The following ESR1 variants were observed in gnomAD, a reference collection of about 807,000 sequenced individuals.
ESR1 encodes estrogen receptor 1.
Under a neutral mutation model 52.7 loss-of-function variants are expected in ESR1, and 12 were observed. The ratio of observed to expected loss-of-function variants is 0.23; its 90% CI spans 0.15 to 0.37. The LOEUF (loss-of-function observed/expected upper bound fraction) is 0.37. ESR1 is among the 10% of genes least tolerant of loss of function. The pLI is 1.00. For missense variants in ESR1, 584 were observed against 779.7 expected (o/e 0.75, Z 2.99); for synonymous variants, 305 against 316.8 (o/e 0.96, Z 0.39).
rs1778460210 is a variant in ESR1, at chr6:151,681,526, T to G, written n.74-20349T>G. Among the ~76,000 whole-genome samples, 3 of 152,004 alleles carry G rather than the reference T, an allele frequency of 2.0e-5. No homozygotes were observed. The South Asian group carries it at 6.2e-4, about 32-fold the overall frequency. ...TAGAAGCCTCTGGAAGCACAGGGAC[T>G]GTGGAAACTGGAAGCTGTTCTTGGA... On this transcript the variant is annotated intron_variant and non_coding_transcript_variant, in intron 1 of 2. Transcript: ENST00000473497.
intron 1 of ESR1, among the ~76,000 whole-genome samples, chr6:151,680,940 GT>G (rs1280144678): frequency 6.6e-6 from 1 of 152,122 alleles, no homozygotes; most frequent in Non-Finnish European, 1.5e-5. Context: ...TCCTGGCTTG[GT>G]GTCCTTGTCT....
intron 6 of ESR1, among the ~76,000 whole-genome samples, chr6:152,114,388 C>G (rs980654867): frequency 1.3e-5 from 2 of 152,046 alleles, no homozygotes; most frequent in African/African-American, 4.8e-5. Flanking sequence ...TTGGACATCT[C>G]TCCTAGGAAA....
Position 151,842,785 on chromosome 6 carries a change from A to G in ESR1, c.641A>G (p.Gln214Arg). Residue 214 changes from glutamine (Q) to arginine (R), a missense_variant and splice_region_variant, in exon 2 of 8, where the codon CAA becomes CGA. Gln to Arg is a conservative substitution (Grantham distance 43, BLOSUM62 1). Transcript: ENST00000206249. The stretch of plus-strand genomic sequence containing the variant: ...AAGGCCTTCTTCAAGAGAAGTATTC[A>G]AGGTAATAGTGTGTTGAAAACGACT... ...GCKAFFKRSI[Q>R]GHNDYMCPAT... The G allele has an allele frequency of 6.2e-7, 1 of 1,613,634 alleles. No homozygotes were observed. Among genetic ancestry groups the G allele is most frequent in the South Asian group, 1.1e-5 (1 of 91,070 alleles).
intron 5 of ESR1, among the ~76,000 whole-genome samples, chr6:152,056,766 A>G (rs898152732): frequency 1.3e-5 from 2 of 152,202 alleles, no homozygotes; most frequent in African/African-American, 4.8e-5. Flanking sequence ...GGAGGAGTTC[A>G]TCACTGCAGG....
chr6:151,819,957 T>A (rs1000732876), intron 1 of ESR1, among the ~76,000 whole-genome samples: 8 of 152,168 alleles, frequency 5.3e-5, no homozygotes, highest in African/African-American at 1.9e-4. Context: ...TGGTGGTAGG[T>A]GCAGAGATTG....
intron 2 of ESR1, among the ~76,000 whole-genome samples, chr6:151,852,792 T>C (rs1787051156): frequency 6.6e-6 from 1 of 152,182 alleles, no homozygotes; most frequent in Middle Eastern, 3.4e-3. Context: ...GAAATGACTA[T>C]GGAGGCTGAG....
chr6:151,852,831 T>A (rs1443038942), intron 2 of ESR1, among the ~76,000 whole-genome samples: 3 of 151,936 alleles, frequency 2.0e-5, no homozygotes, highest in Non-Finnish European at 4.4e-5. Context: ...TGTACACATA[T>A]GAGCTGTCAT....
chr6:151,763,510 T>C (rs1012737324), intron 2 of ESR1, among the ~76,000 whole-genome samples: 6 of 152,198 alleles, frequency 3.9e-5, no homozygotes, highest in Non-Finnish European at 7.3e-5. Context: ...TGTGCGTCTT[T>C]TTTTTCCCCC....
chr6:151,681,342 ACT>A (rs1428224234), intron 1 of ESR1, among the ~76,000 whole-genome samples: 1 of 151,174 alleles, frequency 6.6e-6, no homozygotes, highest in African/African-American at 2.4e-5. Context: ...GACCGAGGAG[ACT>A]CTGAGATGAC....
chr6:151,801,600 T>C (rs1201946993), upstream of ESR1, among the ~76,000 whole-genome samples: 2 of 152,244 alleles, frequency 1.3e-5, no homozygotes, highest in African/African-American at 2.4e-5. Flanking sequence ...TGCATTTTTT[T>C]CCTTGGAGAG....
intron 1 of ESR1, among the ~76,000 whole-genome samples, chr6:151,809,463 G>A (rs1028751075): frequency 7.2e-5 from 11 of 152,160 alleles, no homozygotes; most frequent in African/African-American, 2.4e-4. Flanking sequence ...GGTGTACCCC[G>A]GACTGGGTTT....
chr6:151,668,327 G>A (rs1474312663), intron 1 of ESR1, among the ~76,000 whole-genome samples: 2 of 151,886 alleles, frequency 1.3e-5, no homozygotes, highest in East Asian at 1.9e-4. Flanking sequence ...CACCCAGGCT[G>A]GAGTGCAGTG....
chr6:152,030,694 CT>C lies in ESR1; in HGVS notation c.1235+18903del, dbSNP rs1318089526. 6.6e-5 allele frequency among the ~76,000 whole-genome samples: 10 copies of C among 152,260 alleles called. No individual in the cohort carries two copies. In the South Asian group the frequency reaches 2.1e-3, roughly 32 times the overall value. On this transcript the variant is annotated intron_variant, in intron 5 of 7. Coordinates refer to ENST00000206249, the MANE Select transcript of ESR1 (RefSeq NM_000125.4). ...ACTCCCACACAATAATAATGGGAGACTTTAACATCCCACTGTCAACATTAGA... is the reference window on the plus strand; with the variant it reads ...ACTCCCACACAATAATAATGGGAGACTTAACATCCCACTGTCAACATTAGA...
chr6:152,124,613 A>G (rs1301544384), intron 6 of ESR1, among the ~76,000 whole-genome samples: 2 of 152,248 alleles, frequency 1.3e-5, no homozygotes, highest in Non-Finnish European at 2.9e-5. Flanking sequence ...AGAAGCCACA[A>G]GAGCTCAATC....
chr6:151,951,072 GAAGTT>G (rs1254964768), intron 4 of ESR1, among the ~76,000 whole-genome samples: 1 of 152,012 alleles, frequency 6.6e-6, no homozygotes, highest in African/African-American at 2.4e-5. Flanking sequence ...TTACACATCA[GAAGTT>G]AATTTATAAT....
Position 151,696,383 on chromosome 6 carries a change from ATTCGCTTGAACCTGGGAGGCGGAGG to A in ESR1, c.-201-5489_-201-5465del, listed in dbSNP as rs1779340665. ...GCTACTTGGGAGGCTGAGGCAGGAG[ATTCGCTTGAACCTGGGAGGCGGAGG>A]TTGCAGTGAGCTGAGATAACACCAC... On this transcript the variant is annotated intron_variant, in intron 1 of 2. Transcript: ENST00000404742. 2.6e-5 allele frequency among the ~76,000 whole-genome samples: 4 copies of A among 152,098 alleles called. No individual in the cohort carries two copies. The South Asian group carries it at 8.3e-4, about 32-fold the overall frequency.
At chr6:151,742,708 A>G (rs1287339677) in intron 2 of ESR1, among the ~76,000 whole-genome samples, 2 of 152,230 alleles carry the variant, frequency 1.3e-5, no homozygotes, top group African/African-American at 4.8e-5. Context: ...ATTCAGCTTA[A>G]TAGAATCATC....
chr6:151,705,542 A>T (rs1481501905), intron 2 of ESR1, among the ~76,000 whole-genome samples: 1 of 152,228 alleles, frequency 6.6e-6, no homozygotes, highest in Non-Finnish European at 1.5e-5. Context: ...TGAATAATCA[A>T]GAACTGACTA....
chr6:152,035,264 C>A (rs2045189188), intron 5 of ESR1, among the ~76,000 whole-genome samples: 1 of 151,426 alleles, frequency 6.6e-6, no homozygotes, highest in Non-Finnish European at 1.5e-5. Context: ...ATATGAACCA[C>A]AAATACAAAA....
Sources: gnomAD v4.1 joint callset for allele counts (sites outside exome capture counted in the v4.1 genomes callset) on GRCh38, gnomAD v4.1.1 for gene constraint, MANE v1.5 for transcripts, NCBI Gene and HGNC (gene_info 2026-07-23, HGNC 2026-07-21) for gene names.